GRIK3: variants seen among roughly 807,000 people sequenced by gnomAD.
The protein encoded by GRIK3 is glutamate receptor ionotropic, kainate 3.
A neutral mutation model predicts 102.5 loss-of-function variants in GRIK3; 29 were observed. The observed-to-expected ratio is 0.28, with a 90% CI of 0.21 to 0.39. The LOEUF (loss-of-function observed/expected upper bound fraction) is 0.39, where lower values mean the gene tolerates loss of function less well. GRIK3 is among the 10% of genes least tolerant of loss of function. GRIK3 has a pLI of 1.00. For synonymous variants in GRIK3, 511 were observed against 504.9 expected (o/e 1.01, Z -0.16); for missense variants, 908 against 1,252.4 (o/e 0.73, Z 4.15).
intron 9 of GRIK3, among the ~76,000 whole-genome samples, chr1:36,846,148 T>C (rs946628347): frequency 2.6e-5 from 4 of 152,118 alleles, no homozygotes; most frequent in African/African-American, 9.7e-5. Context: ...GAATTTTTCA[T>C]GAGCTCGTGG....
At chr1:36,859,699 A>T (rs1361354628) in intron 6 of GRIK3, 145 bp downstream of exon 6, 5 of 687,592 alleles carry the variant, frequency 7.3e-6, no homozygotes, top group African/African-American at 7.2e-5. Context: ...TTGTGTCCCC[A>T]ATCCCTAGCC....
intron 10 of GRIK3, among the ~76,000 whole-genome samples, chr1:36,841,324 C>T (rs939925548): frequency 6.6e-6 from 1 of 152,222 alleles, no homozygotes; most frequent in Non-Finnish European, 1.5e-5. Context: ...TGACGGGTTT[C>T]TCTCTGTGTC....
intron 1 of GRIK3, among the ~76,000 whole-genome samples, chr1:36,917,781 A>C (rs1175482930): frequency 6.6e-6 from 1 of 152,224 alleles, no homozygotes; most frequent in Non-Finnish European, 1.5e-5. Context: ...GGACTAATAC[A>C]GGGAGGTTGA....
At chr1:36,803,043 CGAT>C (rs1282225190) in intron 15 of GRIK3, among the ~76,000 whole-genome samples, 1 of 151,948 alleles carries the variant, frequency 6.6e-6, no homozygotes, top group East Asian at 1.9e-4. Context: ...TGCGGTCTAA[CGAT>C]GAGATGGAAT....
intron 1 of GRIK3, among the ~76,000 whole-genome samples, chr1:37,020,040 C>T (rs900598475): frequency 5.3e-5 from 8 of 152,228 alleles, no homozygotes; most frequent in African/African-American, 1.9e-4. Flanking sequence ...GAAACAATTC[C>T]TCTGACTCTA....
chr1:36,819,800 C>G lies in GRIK3; in HGVS notation c.1809G>C (p.Val603=). The G allele has an allele frequency of 6.2e-7, 1 of 1,606,618 alleles. No homozygotes were observed. Reference sequence around the variant, plus strand: ...TAAGCAGAGTGAAGTTATTTTCCACCACCTCGGAGCCAGGGTTGCAGGGGT... The same window carrying G: ...TAAGCAGAGTGAAGTTATTTTCCACGACCTCGGAGCCAGGGTTGCAGGGGT... ...DAHPCNPGSE[V]VENNFTLLNS... Residue 603 remains valine, a synonymous_variant, in exon 12 of 16, where the codon GTG becomes GTC. Transcript: ENST00000373091. The surrounding 1 kb of genome is among the most constrained non-coding windows in gnomAD (Gnocchi z 4.1).
chr1:36,938,104 T>G (rs979553697), intron 1 of GRIK3, among the ~76,000 whole-genome samples: 2 of 152,198 alleles, frequency 1.3e-5, no homozygotes, highest in Non-Finnish European at 2.9e-5. Context: ...GAAAGACACA[T>G]GCAATTTCAG....
In GRIK3 at chr1:36,850,099, A is replaced by G; in HGVS notation, c.1326+212T>C. 1.8e-6 allele frequency: 1 copy of G among 556,922 alleles called. No homozygotes were observed. The highest frequency in any genetic ancestry group is 3.2e-6 in the Non-Finnish European group (1 of 311,326). 34.5% of individuals were successfully genotyped at this position (556,922 alleles called of 1,614,324 possible). A position where few individuals can be genotyped will look rare whatever the true frequency, so the allele number is the denominator to read the frequency against. On this transcript the variant is annotated intron_variant, in intron 9 of 15. Coordinates refer to ENST00000373091, the MANE Select transcript of GRIK3 (RefSeq NM_000831.4). This position sits in a 1 kb window ranked among gnomAD's most constrained non-coding sequence, Gnocchi z 4.0. ...AGGACTTGGGGAGTGAGTGGGAGTG[A>G]GACACAAAAACGCAGCGGCTTCCGC...
chr1:36,864,597 G>A (rs140888020), intron 5 of GRIK3, among the ~76,000 whole-genome samples: 2 of 152,330 alleles, frequency 1.3e-5, no homozygotes, highest in Non-Finnish European at 2.9e-5. Context: ...GGTGGAACCA[G>A]CCCTTCTGGT....
rs567601144 is a variant in GRIK3, at chr1:36,800,269, C to A, written c.*1582G>T. On this transcript the variant is annotated 3_prime_UTR_variant, in exon 16 of 16. Coordinates refer to ENST00000373091, the MANE Select transcript of GRIK3 (RefSeq NM_000831.4). ...TGCCCCAGTTCTCATCCAGAATCCC[C>A]AGAACCTCCCTCCCCTGTTCAAAAC... 6.6e-6 allele frequency: 1 copy of A among 152,380 alleles called. No homozygotes were observed. Among genetic ancestry groups the A allele is most frequent in the East Asian group, 1.9e-4 (1 of 5,190 alleles). The allele number at this position is 152,380 out of a possible 1,614,324, so 9.4% of individuals were successfully genotyped here. A position where few individuals can be genotyped will look rare whatever the true frequency, so the allele number is the denominator to read the frequency against.
At chr1:36,960,645 G>T (rs1193348914) in intron 1 of GRIK3, among the ~76,000 whole-genome samples, 1 of 152,192 alleles carries the variant, frequency 6.6e-6, no homozygotes, top group African/African-American at 2.4e-5. Flanking sequence ...GAGCAGAGCA[G>T]AGCCCTGTAT....
chr1:36,861,441 A>G (rs930993853), intron 5 of GRIK3, among the ~76,000 whole-genome samples: 1 of 151,824 alleles, frequency 6.6e-6, no homozygotes, highest in Non-Finnish European at 1.5e-5. Flanking sequence ...TAGTCACTCC[A>G]TCTGGTGCTG....
At chr1:36,820,796 T>G (rs1402137686) in intron 11 of GRIK3, among the ~76,000 whole-genome samples, 2 of 152,346 alleles carry the variant, frequency 1.3e-5, no homozygotes, top group Non-Finnish European at 2.9e-5. Flanking sequence ...TCTTTGAATA[T>G]ACAAATATAT....
intron 5 of GRIK3, among the ~76,000 whole-genome samples, chr1:36,864,193 C>T (rs371491293): frequency 6.6e-6 from 1 of 152,104 alleles, no homozygotes; most frequent in East Asian, 1.9e-4. Context: ...GGGTTATCTA[C>T]AGACTGGAAG....
chr1:36,842,157 A>T (rs1345445913), intron 9 of GRIK3, among the ~76,000 whole-genome samples: 2 of 152,190 alleles, frequency 1.3e-5, no homozygotes, highest in East Asian at 3.9e-4. Flanking sequence ...GCGGGAGCTC[A>T]GTAGGCACTT....
chr1:36,918,930 A>C (rs968310104), intron 1 of GRIK3, among the ~76,000 whole-genome samples: 1 of 152,240 alleles, frequency 6.6e-6, no homozygotes, highest in African/African-American at 2.4e-5. Context: ...ATGACAGGCC[A>C]AGGACTGTTC....
chr1:36,880,958 G>C lies in GRIK3; in HGVS notation c.293-67C>G. On this transcript the variant is annotated intron_variant, in intron 2 of 15. Coordinates refer to ENST00000373091, the MANE Select transcript of GRIK3 (RefSeq NM_000831.4). The surrounding 1 kb of genome is among the most constrained non-coding windows in gnomAD (Gnocchi z 5.4). ...CTGTGGGTATGGGGACAGTGATGCT[G>C]ATGATCCTGTAAACATGTGGGAAAA... 3 of 1,491,588 alleles carry C rather than the reference G, an allele frequency of 2.0e-6. No homozygotes were observed. The highest frequency in any genetic ancestry group is 2.7e-6 in the Non-Finnish European group (3 of 1,105,904). The allele number at this position is 1,491,588 out of a possible 1,614,324, so 92.4% of individuals were successfully genotyped here.
At chr1:36,859,291 C>T in intron 6 of GRIK3, 40 bp from the exon 7 acceptor site, 7 of 1,574,194 alleles carry the variant, frequency 4.4e-6, no homozygotes, top group Non-Finnish European at 4.3e-6. Flanking sequence ...TCCCAAGGCC[C>T]TCCAGTCCTC....
intron 15 of GRIK3, among the ~76,000 whole-genome samples, chr1:36,803,070 G>A (rs904043500): frequency 3.3e-5 from 5 of 152,086 alleles, no homozygotes; most frequent in South Asian, 2.1e-4. Context: ...TAATGAACAC[G>A]TGAACAAATA....
Sources: gnomAD v4.1 joint callset for allele counts (sites outside exome capture counted in the v4.1 genomes callset) on GRCh38, gnomAD v4.1.1 for gene constraint, Gnocchi (gnomAD v3.1) non-coding constraint, MANE v1.5 for transcripts, NCBI Gene and HGNC (gene_info 2026-07-23, HGNC 2026-07-21) for gene names.